Variants in OR51C1 observed in about 807,000 individuals in gnomAD.
The protein encoded by OR51C1 is olfactory receptor OR51C1.
the OR51C1 span, chr11:4,690,888 G>T: frequency 6.6e-6 from 3 of 456,594 alleles, no homozygotes; most frequent in South Asian, 4.6e-5. Context: ...ATGTACATAG[G>T]CTGGGGCTTG....
chr11:4,692,589 G>A, the OR51C1 span, among the ~76,000 whole-genome samples: 1 of 152,168 alleles, frequency 6.6e-6, no homozygotes, highest in Admixed American at 6.5e-5. Context: ...GTAGAGAATT[G>A]CAGAAAGGTA....
chr11:4,694,687 G>T, the OR51C1 span, among the ~76,000 whole-genome samples: 1 of 151,790 alleles, frequency 6.6e-6, no homozygotes, highest in African/African-American at 2.4e-5. Flanking sequence ...TCTACTACAT[G>T]CCAGACAGCG....
the OR51C1 span, among the ~76,000 whole-genome samples, chr11:4,696,771 C>T: frequency 6.6e-6 from 1 of 152,250 alleles, no homozygotes; most frequent in East Asian, 1.9e-4. Flanking sequence ...CAATGATGCT[C>T]CTCTTTCATT....
chr11:4,694,539 C>A, the OR51C1 span, among the ~76,000 whole-genome samples: 1 of 136,080 alleles, frequency 7.3e-6, no homozygotes, highest in Non-Finnish European at 1.6e-5. Context: ...CACATATATA[C>A]GTATATATAT....
chr11:4,692,504 A>C, the OR51C1 span, among the ~76,000 whole-genome samples: 2 of 152,374 alleles, frequency 1.3e-5, no homozygotes, highest in Middle Eastern at 3.4e-3. Flanking sequence ...GGAGATACCT[A>C]ATTGAATGTT....
At chr11:4,693,323 T>C in the OR51C1 span, among the ~76,000 whole-genome samples, 2 of 152,194 alleles carry the variant, frequency 1.3e-5, no homozygotes, top group Non-Finnish European at 2.9e-5. Context: ...AGTAGGTTTG[T>C]AGTATTTGGA....
the OR51C1 span, among the ~76,000 whole-genome samples, chr11:4,694,521 T>C: frequency 0.82 from 116,904 of 142,160 alleles, 46,787 homozygotes; most frequent in South Asian, 0.91. Context: ...TATATATATA[T>C]ACACACACAC....
the OR51C1 span, chr11:4,691,427 C>T: frequency 4.4e-6 from 2 of 457,558 alleles, no homozygotes; most frequent in South Asian, 3.1e-5. Flanking sequence ...AGCTGATTTC[C>T]CTCACATTGA....
the OR51C1 span, among the ~76,000 whole-genome samples, chr11:4,692,764 G>A: frequency 1.7e-4 from 25 of 151,242 alleles, no homozygotes; most frequent in Non-Finnish European, 2.9e-5. Flanking sequence ...TGACAAAAGA[G>A]AGGATGGAGA....
the OR51C1 span, among the ~76,000 whole-genome samples, chr11:4,692,334 A>G: frequency 6.6e-6 from 1 of 152,238 alleles, no homozygotes; most frequent in African/African-American, 2.4e-5. Context: ...TTTGGAAGAG[A>G]TGGTTAGAAC....
chr11:4,694,239 C>G, the OR51C1 span, among the ~76,000 whole-genome samples: 1 of 151,568 alleles, frequency 6.6e-6, no homozygotes, highest in African/African-American at 2.4e-5. Context: ...AGATCATAAA[C>G]AAAACAAAAG....
chr11:4,691,170 T>G, the OR51C1 span: 8 of 456,186 alleles, frequency 1.8e-5, no homozygotes, highest in South Asian at 1.1e-4. Context: ...GCAGTAGGAG[T>G]GGTGGAGTAC....
At chr11:4,694,538 ACG>A in the OR51C1 span, among the ~76,000 whole-genome samples, 13 of 144,690 alleles carry the variant, frequency 9.0e-5, no homozygotes, top group African/African-American at 1.5e-4. Flanking sequence ...ACACATATAT[ACG>A]TATATATATA....
the OR51C1 span, among the ~76,000 whole-genome samples, chr11:4,693,680 C>T: frequency 6.6e-6 from 1 of 152,082 alleles, no homozygotes; most frequent in Non-Finnish European, 1.5e-5. Context: ...CGAGATGGCG[C>T]CATTGCACTC....
the OR51C1 span, among the ~76,000 whole-genome samples, chr11:4,693,496 C>A: frequency 6.6e-6 from 1 of 152,030 alleles, no homozygotes; most frequent in Non-Finnish European, 1.5e-5. Flanking sequence ...CCGAGGTGGG[C>A]GGATCACGAG....
chr11:4,693,524 A>G, the OR51C1 span, among the ~76,000 whole-genome samples: 2 of 152,158 alleles, frequency 1.3e-5, no homozygotes, highest in East Asian at 1.9e-4. Context: ...GATCGAGACC[A>G]TCCTGGCTAA....
chr11:4,690,949 T>A, the OR51C1 span: 29 of 454,334 alleles, frequency 6.4e-5, no homozygotes, highest in South Asian at 4.2e-4. Context: ...ATGTAATATA[T>A]AGCAAAAGCC....
At chr11:4,692,125 A>G in the OR51C1 span, 1 of 448,740 alleles carries the variant, frequency 2.2e-6, no homozygotes. Flanking sequence ...CCAGAGAAAA[A>G]TACACTGGGG....
chr11:4,693,845 G>T, the OR51C1 span, among the ~76,000 whole-genome samples: 1 of 152,200 alleles, frequency 6.6e-6, no homozygotes, highest in African/African-American at 2.4e-5. Context: ...TGCTATTTTA[G>T]AAGCTAAAGG....
Sources: gnomAD v4.1 joint callset for allele counts (sites outside exome capture counted in the v4.1 genomes callset) on GRCh38, gnomAD v4.1.1 for gene constraint, MANE v1.5 for transcripts, NCBI Gene and HGNC (gene_info 2026-07-23, HGNC 2026-07-21) for gene names.